Variants in LMNTD1 observed in about 807,000 individuals in gnomAD.
LMNTD1 encodes the protein lamin tail domain containing 1.
A neutral mutation model predicts 50.9 loss-of-function variants in LMNTD1; 35 were observed. The ratio of observed to expected loss-of-function variants is 0.69; its 90% CI spans 0.53 to 0.91. The LOEUF (loss-of-function observed/expected upper bound fraction) is 0.91, where lower values mean the gene tolerates loss of function less well. Among genes scored for constraint, LMNTD1 ranks in the 40% least tolerant of loss-of-function variants. The pLI is 0.00. For synonymous variants in LMNTD1, 153 were observed against 161.9 expected, an observed-to-expected ratio of 0.94 and a Z score of 0.42; for missense variants, 470 against 475.5, an observed-to-expected ratio of 0.99 and a Z score of 0.11.
intron 1 of LMNTD1, among the ~76,000 whole-genome samples, chr12:25,607,297 T>C (rs1592098765): frequency 2.0e-5 from 3 of 152,310 alleles, no homozygotes; most frequent in African/African-American, 7.2e-5. Context: ...CTGGATTCAT[T>C]GATTTTTTGA....
chr12:25,542,985 A>G (rs1308540635), intron 4 of LMNTD1, among the ~76,000 whole-genome samples: 1 of 151,946 alleles, frequency 6.6e-6, no homozygotes, highest in Non-Finnish European at 1.5e-5. Context: ...AAAGGATAAG[A>G]GAATATTATA....
intron 8 of LMNTD1, among the ~76,000 whole-genome samples, chr12:25,514,528 A>G (rs1705408): frequency 0.93 from 141,050 of 151,374 alleles, 66,113 homozygotes; most frequent in East Asian, 0.98. Flanking sequence ...GGGGATTTGC[A>G]GGGCAGGGAG....
chr12:25,624,822 T>C (rs1051321195), intron 1 of LMNTD1, among the ~76,000 whole-genome samples: 2 of 152,216 alleles, frequency 1.3e-5, no homozygotes, highest in African/African-American at 2.4e-5. Context: ...GGCCACAAAA[T>C]CACTTCTACA....
At chr12:25,608,837 C>A (rs1294826243) in intron 1 of LMNTD1, among the ~76,000 whole-genome samples, 1 of 152,116 alleles carries the variant, frequency 6.6e-6, no homozygotes, top group Non-Finnish European at 1.5e-5. Flanking sequence ...TTGTGGCATT[C>A]TCTGTATTTC....
chr12:25,609,379 G>A (rs1226383706), intron 1 of LMNTD1, among the ~76,000 whole-genome samples: 1 of 152,186 alleles, frequency 6.6e-6, no homozygotes, highest in Admixed American at 6.5e-5. Flanking sequence ...GTGAGGAGCT[G>A]CAATCCTTTA....
intron 9 of LMNTD1, among the ~76,000 whole-genome samples, chr12:25,489,086 T>C (rs909359243): frequency 1.8e-4 from 27 of 152,056 alleles, no homozygotes; most frequent in Non-Finnish European, 3.5e-4. Flanking sequence ...TTTTTGTTTG[T>C]CTGTGCCCTG....
At chr12:25,513,781 A>G (rs940974165) in intron 8 of LMNTD1, among the ~76,000 whole-genome samples, 16 of 145,206 alleles carry the variant, frequency 1.1e-4, no homozygotes, top group African/African-American at 4.1e-4. Flanking sequence ...AAGTTATAGA[A>G]AGAGATAGCA....
intron 1 of LMNTD1, among the ~76,000 whole-genome samples, chr12:25,629,440 G>A (rs1565528222): frequency 6.6e-6 from 1 of 152,268 alleles, no homozygotes; most frequent in African/African-American, 2.4e-5. Flanking sequence ...TAATCAGCCC[G>A]AATCCAAATT....
At chr12:25,647,618 C>A (rs1396878344) in intron 1 of LMNTD1, among the ~76,000 whole-genome samples, 1 of 152,162 alleles carries the variant, frequency 6.6e-6, no homozygotes, top group African/African-American at 2.4e-5. Context: ...TTCATTTATT[C>A]ATCCTTTTAT....
intron 9 of LMNTD1, among the ~76,000 whole-genome samples, chr12:25,477,444 C>A (rs1304033678): frequency 6.6e-6 from 1 of 151,874 alleles, no homozygotes; most frequent in African/African-American, 2.4e-5. Flanking sequence ...ACTCTTTCCC[C>A]TGAGAGAAAG....
intron 1 of LMNTD1, among the ~76,000 whole-genome samples, chr12:25,605,755 A>G (rs1946086726): frequency 6.6e-6 from 1 of 152,182 alleles, no homozygotes; most frequent in Admixed American, 6.5e-5. Context: ...GCCTTGTAGT[A>G]TAGTTTGAAG....
chr12:25,531,962 G>T (rs78718616), intron 4 of LMNTD1, among the ~76,000 whole-genome samples: 2,352 of 152,052 alleles, frequency 0.015, 32 homozygotes, highest in African/African-American at 0.038. Context: ...TTTACTTCTA[G>T]AACTTGTTTA....
intron 1 of LMNTD1, among the ~76,000 whole-genome samples, chr12:25,610,453 C>T (rs990779850): frequency 6.6e-6 from 1 of 152,122 alleles, no homozygotes; most frequent in African/African-American, 2.4e-5. Context: ...CGGAGCTGTT[C>T]CTATTTGGCC....
At chr12:25,636,633 T>C (rs1160104717) in intron 1 of LMNTD1, among the ~76,000 whole-genome samples, 1 of 152,148 alleles carries the variant, frequency 6.6e-6, no homozygotes, top group African/African-American at 2.4e-5. Flanking sequence ...CACTACTGGG[T>C]ATCTGCCCAG....
At chr12:25,566,040 G>A (rs937851277) in intron 1 of LMNTD1, among the ~76,000 whole-genome samples, 1 of 152,040 alleles carries the variant, frequency 6.6e-6, no homozygotes, top group East Asian at 1.9e-4. Flanking sequence ...CTTGATCTTT[G>A]GGAGTTTGAT....
chr12:25,486,850 G>T (rs1236977248), intron 9 of LMNTD1, among the ~76,000 whole-genome samples: 1 of 151,512 alleles, frequency 6.6e-6, no homozygotes, highest in Non-Finnish European at 1.5e-5. Context: ...TGCCAGGGAT[G>T]AAGCCCACTT....
chr12:25,591,519 A>G (rs1007696086), intron 1 of LMNTD1, among the ~76,000 whole-genome samples: 7 of 152,158 alleles, frequency 4.6e-5, no homozygotes, highest in Non-Finnish European at 7.3e-5. Context: ...ATAGACTTCT[A>G]AGATTTTTGA....
chr12:25,486,799 G>T (rs1226275014), intron 9 of LMNTD1, among the ~76,000 whole-genome samples: 2 of 150,268 alleles, frequency 1.3e-5, no homozygotes, highest in Non-Finnish European at 3.0e-5. Context: ...TTATATGCTG[G>T]ATTACATTTA....
At chr12:25,516,579 T>A (rs1265451766) in intron 8 of LMNTD1, among the ~76,000 whole-genome samples, 1 of 152,174 alleles carries the variant, frequency 6.6e-6, no homozygotes, top group East Asian at 1.9e-4. Flanking sequence ...ATCTAATATA[T>A]CTATATCTAT....
Sources: gnomAD v4.1 joint callset for allele counts (sites outside exome capture counted in the v4.1 genomes callset) on GRCh38, gnomAD v4.1.1 for gene constraint, MANE v1.5 for transcripts, NCBI Gene and HGNC (gene_info 2026-07-23, HGNC 2026-07-21) for gene names.